Variants in CD96 observed in about 807,000 individuals in gnomAD.
The protein encoded by CD96 is CD96 molecule.
In CD96, 70 loss-of-function variants were observed where a neutral mutation model predicts 71.3. That is an observed-to-expected ratio of 0.98 (90% CI 0.81 to 1.20). The LOEUF is 1.20. Ranked by LOEUF, CD96 falls within the 50% of genes most tolerant of loss-of-function variation. CD96 has a pLI of 0.00. For missense variants in CD96, 742 were observed against 677.5 expected (o/e 1.10, Z -1.06); for synonymous variants, 248 against 233.0 (o/e 1.06, Z -0.59).
intron 10 of CD96, among the ~76,000 whole-genome samples, chr3:111,636,855 TG>T (rs1392655108): frequency 6.6e-6 from 1 of 152,164 alleles, no homozygotes; most frequent in Non-Finnish European, 1.5e-5. Flanking sequence ...ATAACACACC[TG>T]GACCTTCATT....
chr3:111,589,178 C>T (rs1020844299), intron 5 of CD96, among the ~76,000 whole-genome samples: 4 of 151,896 alleles, frequency 2.6e-5, no homozygotes, highest in African/African-American at 4.8e-5. Context: ...TCTCAATGCC[C>T]TGACCTCGTG....
intron 5 of CD96, among the ~76,000 whole-genome samples, chr3:111,592,351 A>T (rs1937031831): frequency 1.3e-5 from 2 of 152,252 alleles, no homozygotes; most frequent in South Asian, 4.1e-4. Flanking sequence ...AACAGTTTTT[A>T]AAAATCAGTG....
intron 2 of CD96, among the ~76,000 whole-genome samples, chr3:111,553,696 C>T (rs1934844552): frequency 1.3e-5 from 2 of 151,868 alleles, no homozygotes. Flanking sequence ...ATACTTGATT[C>T]TTTCCCTTTA....
intron 2 of CD96, among the ~76,000 whole-genome samples, chr3:111,554,727 G>A (rs965217867): frequency 2.0e-5 from 3 of 151,986 alleles, no homozygotes; most frequent in East Asian, 1.9e-4. Context: ...GTGGTGGAGG[G>A]GGATGGTTTG....
exon 15 of CD96, chr3:111,665,728 GT>G (rs1442839620): frequency 6.6e-6 from 1 of 152,226 alleles, no homozygotes; most frequent in East Asian, 1.9e-4. Context: ...CTTGGGCAGT[GT>G]TTTTTGTTGC....
chr3:111,652,945 A>G (rs1940141753), downstream of CD96, among the ~76,000 whole-genome samples: 1 of 151,884 alleles, frequency 6.6e-6, no homozygotes, highest in African/African-American at 2.4e-5. Context: ...TTTCATTTTC[A>G]CTGAGAAAAA....
At chr3:111,581,019 T>C (rs1023084758) in intron 4 of CD96, among the ~76,000 whole-genome samples, 2 of 152,234 alleles carry the variant, frequency 1.3e-5, no homozygotes, top group Admixed American at 6.5e-5. Context: ...TCAACATTTA[T>C]GCTGTGTCCT....
At chr3:111,577,107 A>G (rs1353008155) in intron 3 of CD96, among the ~76,000 whole-genome samples, 1 of 152,214 alleles carries the variant, frequency 6.6e-6, no homozygotes, top group African/African-American at 2.4e-5. Context: ...TTCTCTATCA[A>G]CTAAACCACC....
intron 5 of CD96, among the ~76,000 whole-genome samples, chr3:111,597,027 G>T (rs1937290757): frequency 6.6e-6 from 1 of 152,160 alleles, no homozygotes; most frequent in Admixed American, 6.5e-5. Context: ...CTCGAATTTG[G>T]TTTCTCAGCT....
In CD96 at chr3:111,552,281, T is replaced by A. The variant is rs530904462; in HGVS notation, c.418+6879T>A. 2.5e-3 allele frequency among the ~76,000 whole-genome samples: 380 copies of A among 152,158 alleles called. 4 individuals are homozygous for A. The highest frequency in any genetic ancestry group is 8.6e-3 in the African/African-American group (357 of 41,510). On this transcript the variant is annotated intron_variant, in intron 2 of 13. Transcript: ENST00000352690. ...ATATAAAAATGTGTGTTTGTCCCCC[T>A]CTTTTCTCTCTGTGGCTCTTCTGCT...
intron 8 of CD96, among the ~76,000 whole-genome samples, chr3:111,610,965 C>T (rs1937893337): frequency 6.6e-6 from 1 of 152,134 alleles, no homozygotes; most frequent in African/African-American, 2.4e-5. Flanking sequence ...TTTTGAGGTA[C>T]AGGATACAGT....
intron 4 of CD96, chr3:111,579,601 G>C: frequency 3.2e-6 from 1 of 317,398 alleles, no homozygotes; most frequent in Non-Finnish European, 6.2e-6. Context: ...GCCTTCTTGC[G>C]GATGGGGACT....
intron 2 of CD96, among the ~76,000 whole-genome samples, chr3:111,555,012 C>A (rs760212857): frequency 3.3e-5 from 5 of 152,058 alleles, no homozygotes; most frequent in Non-Finnish European, 7.4e-5. Context: ...AATGCAGCCA[C>A]TGATTTGGCA....
intron 5 of CD96, among the ~76,000 whole-genome samples, chr3:111,597,305 A>T (rs989747151): frequency 6.6e-6 from 1 of 152,232 alleles, no homozygotes; most frequent in Non-Finnish European, 1.5e-5. Flanking sequence ...ACCAGACTGT[A>T]AAAGAAAGTA....
At chr3:111,652,869 T>C (rs1940139876), downstream of CD96, among the ~76,000 whole-genome samples, 1 of 151,950 alleles carries the variant, frequency 6.6e-6, no homozygotes, top group Non-Finnish European at 1.5e-5. Flanking sequence ...GCAACTCCTG[T>C]CTCTGTTAGT....
chr3:111,625,253 A>AT lies in CD96; in HGVS notation c.1321+853dup, dbSNP rs568616616. 7.2e-5 allele frequency among the ~76,000 whole-genome samples: 11 copies of AT among 152,300 alleles called. No homozygotes were observed. The South Asian group carries it at 2.3e-3, about 32-fold the overall frequency. On this transcript the variant is annotated intron_variant, in intron 10 of 13. Coordinates refer to ENST00000352690, the MANE Select transcript of CD96 (RefSeq NM_005816.5). ...CTGCTCTTTGTAGCATTGTTTATTT[A>AT]TTTTATCTTTTTGATGGCCCTCAGG...
At chr3:111,655,516 T>A (rs1204738123), downstream of CD96, among the ~76,000 whole-genome samples, 2 of 152,116 alleles carry the variant, frequency 1.3e-5, no homozygotes, top group Non-Finnish European at 2.9e-5. Flanking sequence ...AGAAATACTT[T>A]TAAAGGCTTC....
At chr3:111,623,050 T>G (rs1331004549) in intron 8 of CD96, among the ~76,000 whole-genome samples, 2 of 152,236 alleles carry the variant, frequency 1.3e-5, no homozygotes, top group Non-Finnish European at 2.9e-5. Flanking sequence ...GTATTGCACA[T>G]TGATATAAAC....
chr3:111,551,778 A>G (rs967689444), intron 2 of CD96, among the ~76,000 whole-genome samples: 3 of 152,112 alleles, frequency 2.0e-5, no homozygotes, highest in Non-Finnish European at 4.4e-5. Context: ...AGAATGATTT[A>G]TAACAGAATG....
Sources: gnomAD v4.1 joint callset for allele counts (sites outside exome capture counted in the v4.1 genomes callset) on GRCh38, gnomAD v4.1.1 for gene constraint, MANE v1.5 for transcripts, NCBI Gene and HGNC (gene_info 2026-07-23, HGNC 2026-07-21) for gene names.